Variants in PDE1C observed in about 807,000 individuals in gnomAD.
PDE1C encodes phosphodiesterase 1C, also known as dual specificity calcium/calmodulin-dependent 3',5'-cyclic nucleotide phosphodiesterase 1C.
In PDE1C, 62 loss-of-function variants were observed where a neutral mutation model predicts 93.1. The ratio of observed to expected loss-of-function variants is 0.67; its 90% CI spans 0.54 to 0.82. The LOEUF is 0.82. Among genes scored for constraint, PDE1C ranks in the 40% least tolerant of loss-of-function variants. PDE1C has a pLI of 0.00. For synonymous variants in PDE1C, 325 were observed against 310.1 expected (o/e 1.05, Z -0.50); for missense variants, 742 against 884.6 (o/e 0.84, Z 2.04).
intron 1 of PDE1C, among the ~76,000 whole-genome samples, chr7:32,418,125 A>C (rs1378982435): frequency 6.6e-6 from 1 of 152,236 alleles, no homozygotes; most frequent in Non-Finnish European, 1.5e-5. Context: ...AAGTGCTGGG[A>C]CTACAGATGT....
intron 7 of PDE1C, among the ~76,000 whole-genome samples, chr7:31,860,729 T>C (rs545725177): frequency 5.3e-5 from 8 of 152,200 alleles, no homozygotes; most frequent in Non-Finnish European, 1.2e-4. Flanking sequence ...TAATCAATAT[T>C]TTGTTGTATA....
At chr7:32,270,302 T>C (rs926307599) in intron 1 of PDE1C, among the ~76,000 whole-genome samples, 18 of 151,752 alleles carry the variant, frequency 1.2e-4, no homozygotes, top group African/African-American at 1.5e-4. Context: ...TTTTTTTTTT[T>C]CTCTTTTTAC....
intron 17 of PDE1C, among the ~76,000 whole-genome samples, chr7:31,768,565 T>C (rs1795285415): frequency 6.6e-6 from 1 of 152,208 alleles, no homozygotes. Context: ...AATTACGTAG[T>C]TCTGACCAAA....
At chr7:32,151,929 G>T (rs1801285603) in intron 3 of PDE1C, among the ~76,000 whole-genome samples, 1 of 152,140 alleles carries the variant, frequency 6.6e-6, no homozygotes, top group Non-Finnish European at 1.5e-5. Context: ...TAATAAAGCT[G>T]TTTTTAAATG....
intron 2 of PDE1C, among the ~76,000 whole-genome samples, chr7:32,014,626 A>G (rs1584458971): frequency 6.6e-6 from 1 of 151,788 alleles, no homozygotes; most frequent in East Asian, 2.0e-4. Context: ...CCACCTTCCG[A>G]CAGGCCCCAG....
intron 11 of PDE1C, 84 bp downstream of exon 11, chr7:31,837,096 G>T: frequency 3.6e-6 from 5 of 1,405,720 alleles, no homozygotes; most frequent in Non-Finnish European, 4.9e-6. Flanking sequence ...AATCTCAATA[G>T]TCCTTATCCT....
intron 3 of PDE1C, among the ~76,000 whole-genome samples, chr7:32,129,323 T>C (rs757254168): frequency 6.7e-6 from 1 of 148,386 alleles, no homozygotes; most frequent in Non-Finnish European, 1.5e-5. Flanking sequence ...TTATTTGTTT[T>C]TGAGAAAACA....
chr7:32,000,389 T>C (rs1019989397), intron 2 of PDE1C, among the ~76,000 whole-genome samples: 8 of 151,884 alleles, frequency 5.3e-5, no homozygotes, highest in Admixed American at 2.0e-4. Flanking sequence ...AACAAGATGG[T>C]TGGGGGAAGG....
At chr7:32,147,707 C>G (rs112624853) in intron 3 of PDE1C, among the ~76,000 whole-genome samples, 22 of 152,186 alleles carry the variant, frequency 1.4e-4, no homozygotes, top group South Asian at 4.1e-4. Flanking sequence ...TCCCACCCCC[C>G]CTCCAAGCAT....
At chr7:32,208,535 T>G (rs1351756319) in intron 2 of PDE1C, among the ~76,000 whole-genome samples, 1 of 152,170 alleles carries the variant, frequency 6.6e-6, no homozygotes, top group African/African-American at 2.4e-5. Flanking sequence ...TGTCCAATTT[T>G]GAACATTTTC....
chr7:31,891,371 C>T (rs1798614417), intron 2 of PDE1C, among the ~76,000 whole-genome samples: 1 of 152,140 alleles, frequency 6.6e-6, no homozygotes, highest in South Asian at 2.1e-4. Flanking sequence ...AAATGCAATC[C>T]TATCACCAAT....
intron 1 of PDE1C, among the ~76,000 whole-genome samples, chr7:32,057,280 A>G (rs1794246047): frequency 6.6e-6 from 1 of 152,200 alleles, no homozygotes; most frequent in South Asian, 2.1e-4. Context: ...TGATTAACCC[A>G]TACTCATTTA....
intron 2 of PDE1C, among the ~76,000 whole-genome samples, chr7:31,915,882 A>T (rs1801825806): frequency 6.6e-6 from 1 of 152,152 alleles, no homozygotes; most frequent in African/African-American, 2.4e-5. Context: ...TTTTTTTATG[A>T]TTAGGTTTGA....
chr7:32,170,136 T>C (rs1409770319), intron 2 of PDE1C, among the ~76,000 whole-genome samples: 1 of 152,226 alleles, frequency 6.6e-6, no homozygotes, highest in Non-Finnish European at 1.5e-5. Context: ...GAAAATAGGC[T>C]ACCACTCTGA....
At chr7:31,964,173 G>A (rs190082087) in intron 2 of PDE1C, among the ~76,000 whole-genome samples, 1,852 of 152,370 alleles carry the variant, frequency 0.012, 15 homozygotes, top group Non-Finnish European at 0.021. Flanking sequence ...CCTCACCCGG[G>A]AAGTGCAAGT....
Position 31,939,316 on chromosome 7 carries a change from G to A in PDE1C, c.129-58456C>T, listed in dbSNP as rs114188163. On this transcript the variant is annotated intron_variant, in intron 2 of 17. Transcript: ENST00000396191. Reference sequence around the variant, plus strand: ...ATTCAGTTCAGTGTAACTGACTTGGGTGAGCAATGAATAGACCACACCGCT... The same window carrying A: ...ATTCAGTTCAGTGTAACTGACTTGGATGAGCAATGAATAGACCACACCGCT... 6.2e-3 allele frequency among the ~76,000 whole-genome samples: 943 copies of A among 152,228 alleles called. 11 individuals are homozygous for A. Among genetic ancestry groups the A allele is most frequent in the African/African-American group, 0.022 (896 of 41,542 alleles).
At chr7:32,000,368 T>G (rs1246989761) in intron 2 of PDE1C, among the ~76,000 whole-genome samples, 1 of 152,180 alleles carries the variant, frequency 6.6e-6, no homozygotes, top group South Asian at 2.1e-4. Flanking sequence ...TTCCTGATGC[T>G]ATAAGAGGGA....
chr7:31,843,262 TG>T (rs1483208008), intron 9 of PDE1C, among the ~76,000 whole-genome samples: 1 of 151,994 alleles, frequency 6.6e-6, no homozygotes, highest in Admixed American at 6.6e-5. Flanking sequence ...GTGATATTTT[TG>T]TCCAGTTTGT....
intron 1 of PDE1C, among the ~76,000 whole-genome samples, chr7:32,259,814 C>T (rs1019401364): frequency 5.3e-5 from 8 of 152,146 alleles, no homozygotes; most frequent in Non-Finnish European, 7.4e-5. Flanking sequence ...GTCACCCCCA[C>T]GAGCCCCTCC....
Sources: gnomAD v4.1 joint callset for allele counts (sites outside exome capture counted in the v4.1 genomes callset) on GRCh38, gnomAD v4.1.1 for gene constraint, MANE v1.5 for transcripts, NCBI Gene and HGNC (gene_info 2026-07-23, HGNC 2026-07-21) for gene names.